AUTS2: variants seen among roughly 807,000 people sequenced by gnomAD.
AUTS2 encodes the protein autism susceptibility gene 2 protein.
Under a neutral mutation model 112.4 loss-of-function variants are expected in AUTS2, and 17 were observed. That is an observed-to-expected ratio of 0.15 (90% CI 0.10 to 0.23). The LOEUF (loss-of-function observed/expected upper bound fraction) is 0.23, where lower values mean the gene tolerates loss of function less well. AUTS2 is among the 10% of genes least tolerant of loss of function. The pLI, the probability that AUTS2 is intolerant of heterozygous loss-of-function variation, is 1.00. For missense variants in AUTS2, 1,510 were observed against 1,701.6 expected, an observed-to-expected ratio of 0.89 and a Z score of 1.98; for synonymous variants, 751 against 702.7, an observed-to-expected ratio of 1.07 and a Z score of -1.09.
In AUTS2 at chr7:69,600,652, G is replaced by C. The variant is rs1049487009; in HGVS notation, c.309+690G>C. 2.0e-5 allele frequency among the ~76,000 whole-genome samples: 3 copies of C among 149,506 alleles called. No homozygotes were observed. The South Asian group carries it at 6.4e-4, about 32-fold the overall frequency. ...AGGGTGGAATAGCTCTCTGTATTCTGTATGGGGTTCTGTTACAGAAAGGGT... is the reference window on the plus strand; with the variant it reads ...AGGGTGGAATAGCTCTCTGTATTCTCTATGGGGTTCTGTTACAGAAAGGGT... On this transcript the variant is annotated intron_variant, in intron 1 of 18. Coordinates refer to ENST00000342771, the MANE Select transcript of AUTS2 (RefSeq NM_015570.4).
rs532317895 is a variant in AUTS2, at chr7:69,705,187, A to G, written c.309+105225A>G. ...TGGCCTCCTTATGTCTTCTATGCCT[A>G]GACTGTCTCCTACCCTTTTTCTTTG... On this transcript the variant is annotated intron_variant, in intron 1 of 18. Coordinates refer to ENST00000342771, the MANE Select transcript of AUTS2 (RefSeq NM_015570.4). 4.5e-4 allele frequency among the ~76,000 whole-genome samples: 69 copies of G among 152,256 alleles called. 2 individuals are homozygous for G. The South Asian group carries it at 0.014, about 30-fold the overall frequency.
intron 5 of AUTS2, among the ~76,000 whole-genome samples, chr7:70,464,025 C>G (rs1257329691): frequency 6.6e-6 from 1 of 152,160 alleles, no homozygotes; most frequent in Admixed American, 6.5e-5. Flanking sequence ...TGCCACCAGC[C>G]TCTTCCCAAA....
intron 5 of AUTS2, among the ~76,000 whole-genome samples, chr7:70,514,208 T>C (rs3113275): frequency 0.3 from 46,381 of 152,182 alleles, 7,622 homozygotes; most frequent in African/African-American, 0.39. Flanking sequence ...TAGATTGTTT[T>C]TCATTTTTAA....
intron 5 of AUTS2, among the ~76,000 whole-genome samples, chr7:70,627,377 T>G (rs1805007128): frequency 6.6e-6 from 1 of 152,258 alleles, no homozygotes; most frequent in Non-Finnish European, 1.5e-5. Flanking sequence ...TTTGAGTTCC[T>G]TATAGATTCT....
chr7:69,777,586 T>C (rs1788949756), intron 1 of AUTS2, among the ~76,000 whole-genome samples: 1 of 152,216 alleles, frequency 6.6e-6, no homozygotes, highest in African/African-American at 2.4e-5. Context: ...AGCTCTGATA[T>C]CTAAGACATA....
intron 1 of AUTS2, among the ~76,000 whole-genome samples, chr7:69,639,963 A>G (rs1794728802): frequency 6.6e-6 from 1 of 152,068 alleles, no homozygotes; most frequent in South Asian, 2.1e-4. Context: ...CTTAATTTTA[A>G]CCTAGATTCA....
intron 1 of AUTS2, among the ~76,000 whole-genome samples, chr7:69,834,693 G>A (rs886179153): frequency 4.6e-5 from 7 of 152,164 alleles, no homozygotes; most frequent in African/African-American, 1.2e-4. Context: ...TGATGCAGAC[G>A]TCAAATAAGA....
In AUTS2 at chr7:70,020,343, C is replaced by T. The variant is rs537793478; in HGVS notation, c.523-97789C>T. Among the ~76,000 whole-genome samples, 11 of 152,294 alleles carry T rather than the reference C, an allele frequency of 7.2e-5. No homozygotes were observed. The Middle Eastern group carries it at 0.014, about 188-fold the overall frequency. On this transcript the variant is annotated intron_variant, in intron 2 of 18. Transcript: ENST00000342771. ...TAGAGCCAGGACATCTCTTAAGACCCACCTTCCTGGGTTTGCTCATAGTTG... is the reference window on the plus strand; with the variant it reads ...TAGAGCCAGGACATCTCTTAAGACCTACCTTCCTGGGTTTGCTCATAGTTG...
In AUTS2 at chr7:69,766,126, C is replaced by T. The variant is rs187105973; in HGVS notation, c.310-133160C>T. Among the ~76,000 whole-genome samples the T allele has an allele frequency of 2.7e-3, 418 of 152,298 alleles. 3 individuals are homozygous for T. The highest frequency in any genetic ancestry group is 9.6e-3 in the African/African-American group (398 of 41,556). On this transcript the variant is annotated intron_variant, in intron 1 of 18. Transcript: ENST00000342771. Reference sequence around the variant, plus strand: ...CCCATTCTCTGTTCTTCTTAGCTTCCTGGAAACCACCATTCTGGTTTTTAT... The same window carrying T: ...CCCATTCTCTGTTCTTCTTAGCTTCTTGGAAACCACCATTCTGGTTTTTAT...
At chr7:70,496,701 GTC>G (rs765103544) in intron 5 of AUTS2, among the ~76,000 whole-genome samples, 6 of 48,484 alleles carry the variant, frequency 1.2e-4, no homozygotes, top group African/African-American at 1.9e-4. Context: ...CACGTACACA[GTC>G]ACACACGCAC....
intron 5 of AUTS2, among the ~76,000 whole-genome samples, chr7:70,498,140 G>T (rs960812406): frequency 6.6e-6 from 1 of 152,198 alleles, no homozygotes; most frequent in African/African-American, 2.4e-5. Flanking sequence ...TGCTAAGGGA[G>T]CAAGTTTTGA....
At chr7:70,683,539 T>C (rs1341812621) in intron 5 of AUTS2, among the ~76,000 whole-genome samples, 1 of 152,208 alleles carries the variant, frequency 6.6e-6, no homozygotes, top group Non-Finnish European at 1.5e-5. Flanking sequence ...AATGGCAGTG[T>C]CCAGAGGTGA....
At chr7:70,188,306 T>A (rs183011896) in intron 4 of AUTS2, among the ~76,000 whole-genome samples, 4 of 152,336 alleles carry the variant, frequency 2.6e-5, no homozygotes, top group Admixed American at 2.6e-4. Context: ...CAAGTTCTTC[T>A]ACAGGGGCGG....
chr7:69,629,956 G>C (rs1260938767), intron 1 of AUTS2, among the ~76,000 whole-genome samples: 1 of 152,128 alleles, frequency 6.6e-6, no homozygotes, highest in African/African-American at 2.4e-5. Flanking sequence ...CCCAGTCTCT[G>C]TGGTCACCAG....
chr7:70,288,498 C>T (rs898444287), intron 4 of AUTS2, among the ~76,000 whole-genome samples: 2 of 152,200 alleles, frequency 1.3e-5, no homozygotes, highest in Admixed American at 6.5e-5. Context: ...TTTACCCGCT[C>T]TATGCATTTT....
intron 4 of AUTS2, among the ~76,000 whole-genome samples, chr7:70,298,881 C>T (rs1419957377): frequency 6.6e-6 from 1 of 152,216 alleles, no homozygotes; most frequent in Non-Finnish European, 1.5e-5. Flanking sequence ...AAAAGCCAGA[C>T]AGCTCCACGT....
chr7:70,025,770 T>TA (rs1056047900), intron 2 of AUTS2, among the ~76,000 whole-genome samples: 1 of 147,716 alleles, frequency 6.8e-6, no homozygotes, highest in Non-Finnish European at 1.5e-5. Context: ...TACTTTTTTT[T>TA]ACTAAGCTTT....
In AUTS2 at chr7:70,223,851, T is replaced by C. The variant is rs560505677; in HGVS notation, c.660+89280T>C. 5.6e-5 allele frequency among the ~76,000 whole-genome samples: 8 copies of C among 142,312 alleles called. No individual in the cohort carries two copies. The South Asian group carries it at 1.9e-3, about 33-fold the overall frequency. The allele number at this position is 142,312 out of a possible 152,430, so 93.4% of individuals were successfully genotyped here. On this transcript the variant is annotated intron_variant, in intron 4 of 18. Coordinates refer to ENST00000342771, the MANE Select transcript of AUTS2 (RefSeq NM_015570.4). ...CGGCTAGTGTGCATGTTTGTATCTT[T>C]GTTTTTTTTTTTTTTTGGTTGGTTT... is the stretch of plus-strand genomic sequence containing the variant.
intron 2 of AUTS2, among the ~76,000 whole-genome samples, chr7:69,970,425 T>C (rs1797801703): frequency 6.6e-6 from 1 of 152,196 alleles, no homozygotes; most frequent in Non-Finnish European, 1.5e-5. Context: ...TTCTAAAGTA[T>C]AGTTAATTTC....
Sources: gnomAD v4.1 joint callset for allele counts (sites outside exome capture counted in the v4.1 genomes callset) on GRCh38, gnomAD v4.1.1 for gene constraint, MANE v1.5 for transcripts, NCBI Gene and HGNC (gene_info 2026-07-23, HGNC 2026-07-21) for gene names.